The following PSG8 variants were observed in gnomAD, a reference collection of about 807,000 sequenced individuals.
The protein encoded by PSG8 is pregnancy specific beta-1-glycoprotein 8, also known as pregnancy-specific beta-1-glycoprotein 8.
PSG8 carries 57 observed loss-of-function variants against 42.5 expected under a neutral mutation model. The observed-to-expected ratio is 1.34, with a 90% CI of 1.08 to 1.67. The LOEUF is 1.67. PSG8 is among the 40% of genes most tolerant of loss of function. The probability of loss-of-function intolerance (pLI) is 0.00; values close to 1 mark genes in which losing one functional copy is unlikely to be tolerated. For missense variants in PSG8, 783 were observed against 518.6 expected (o/e 1.51, Z -4.95); for synonymous variants, 280 against 196.8 (o/e 1.42, Z -3.54).
chr19:42,761,156 C>G (rs940779764), intron 2 of PSG8, among the ~76,000 whole-genome samples: 1 of 152,160 alleles, frequency 6.6e-6, no homozygotes, highest in South Asian at 2.1e-4. Context: ...GCATGCCTGA[C>G]TCCATCTGGC....
intron 2 of PSG8, 200 bp from the exon 3 acceptor site, chr19:42,758,480 C>T (rs1969990498): frequency 1.7e-6 from 2 of 1,174,988 alleles, no homozygotes; most frequent in Non-Finnish European, 2.3e-6. Flanking sequence ...CATGTAGAAA[C>T]ACAGACTTTC....
intron 2 of PSG8, among the ~76,000 whole-genome samples, chr19:42,763,038 A>G (rs1226164301): frequency 6.6e-6 from 1 of 152,168 alleles, no homozygotes; most frequent in African/African-American, 2.4e-5. Context: ...TGGCAAATGG[A>G]CAGTGGCTTT....
At chr19:42,762,684 T>C (rs1007078083) in intron 2 of PSG8, among the ~76,000 whole-genome samples, 24 of 151,834 alleles carry the variant, frequency 1.6e-4, no homozygotes, top group African/African-American at 5.6e-4. Context: ...GGATTTCAGG[T>C]TCAGTGATGG....
intron 2 of PSG8, among the ~76,000 whole-genome samples, chr19:42,761,370 T>C (rs2122268510): frequency 6.6e-6 from 1 of 152,356 alleles, no homozygotes; most frequent in East Asian, 1.9e-4. Flanking sequence ...AACTGAATTC[T>C]GCTAAAATGT....
chr19:42,757,739 T>G (rs188276332), intron 3 of PSG8, among the ~76,000 whole-genome samples: 7 of 152,274 alleles, frequency 4.6e-5, no homozygotes, highest in Non-Finnish European at 8.8e-5. Flanking sequence ...TGTTCACTGA[T>G]CTGGAGCCTG....
rs764632234 is a variant in PSG8 at position 42,764,033 on chromosome 19, C to A, written c.313G>T (p.Ala105Ser). 3.1e-6 allele frequency: 5 copies of A among 1,613,640 alleles called. No individual in the cohort carries two copies. In the African/African-American group the frequency reaches 5.3e-5, roughly 17 times the overall value. Residue 105 changes from alanine (A) to serine (S), a missense_variant, in exon 2 of 5, where the codon GCA (alanine) becomes TCA (serine). Coordinates refer to ENST00000306511, the MANE Select transcript of PSG8 (RefSeq NM_182707.3). ...GTGACATTCTGGATCAGCAGGGATG[C>A]ATTGGAATATATTGTTTCTCGTCCA... Reference protein sequence around the residue: ...YSGRETIYSNASLLIQNVTQE... With the variant: ...YSGRETIYSNSSLLIQNVTQE...
At chr19:42,753,188 T>A (rs1266285076), downstream of PSG8, 1 of 752,306 alleles carries the variant, frequency 1.3e-6, no homozygotes, top group African/African-American at 1.7e-5. Flanking sequence ...TCTGTTGTTA[T>A]GGTGTCGAAC....
At chr19:42,753,834 A>G, downstream of PSG8, 1 of 444,314 alleles carries the variant, frequency 2.3e-6, no homozygotes, top group South Asian at 1.8e-5. Context: ...TTGTTGCTGT[A>G]CTTGTGCAAA....
Position 42,765,650 on chromosome 19 carries a change from C to A in PSG8, c.-69G>T. On this transcript the variant is annotated 5_prime_UTR_variant, in exon 1 of 5. Transcript: ENST00000306511. Reference sequence around the variant, plus strand: ...GGATCCAGAAGCTTCCTGAGCACAGCTCTCAGCAGTGCTGTCCTGCCTCCT... The same window carrying A: ...GGATCCAGAAGCTTCCTGAGCACAGATCTCAGCAGTGCTGTCCTGCCTCCT... 1 of 1,582,428 alleles carries A rather than the reference C, an allele frequency of 6.3e-7. No homozygotes were observed. The highest frequency in any genetic ancestry group is 1.1e-5 in the South Asian group (1 of 89,896).
rs781635800 is a variant in PSG8, at chr19:42,755,275, A to C, written c.710-9T>G. The C allele has an allele frequency of 6.2e-6, 10 of 1,610,612 alleles. No individual in the cohort carries two copies. The South Asian group carries it at 1.1e-4, about 18-fold the overall frequency. On this transcript the variant is annotated splice_polypyrimidine_tract_variant and intron_variant, in intron 3 of 4. Coordinates refer to ENST00000306511, the MANE Select transcript of PSG8 (RefSeq NM_182707.3). ...GGGCTTGGGCAGCTTCGCTGTGTGG[A>C]TAACAGAGAGAAGATTGTCCTGTGT...
intron 2 of PSG8, chr19:42,758,561 C>G: frequency 1.7e-6 from 1 of 593,290 alleles, no homozygotes; most frequent in Non-Finnish European, 2.7e-6. Context: ...CCCCTGTTGC[C>G]TCTCTGAGTC....
chr19:42,752,863 G>A (rs7246152), downstream of PSG8: 25,771 of 203,884 alleles, frequency 0.13, 3,393 homozygotes, highest in African/African-American at 0.37. Context: ...GCAAACACAC[G>A]GGCAATATCT....
At chr19:42,765,244 C>T (rs11880709) in intron 1 of PSG8, among the ~76,000 whole-genome samples, 4,403 of 151,842 alleles carry the variant, frequency 0.029, 219 homozygotes, top group African/African-American at 0.1. Context: ...CTTCTGCCTC[C>T]TGGGTTCACG....
intron 2 of PSG8, among the ~76,000 whole-genome samples, chr19:42,762,144 T>C (rs1970092565): frequency 6.6e-6 from 1 of 151,246 alleles, no homozygotes; most frequent in Admixed American, 6.6e-5. Context: ...AGGGAGTGTC[T>C]GGGGAAGGCC....
intron 2 of PSG8, among the ~76,000 whole-genome samples, chr19:42,763,197 C>A (rs1328001290): frequency 6.6e-6 from 1 of 152,176 alleles, no homozygotes; most frequent in East Asian, 1.9e-4. Context: ...CAAGCTGCTA[C>A]CAGGTACATC....
chr19:42,754,124 C>T, downstream of PSG8: 5 of 1,315,886 alleles, frequency 3.8e-6, no homozygotes, highest in Non-Finnish European at 5.2e-6. Flanking sequence ...CCTGCTTGGT[C>T]TAGGCTGGGA....
At chr19:42,756,997 C>A (rs1436727338) in intron 3 of PSG8, among the ~76,000 whole-genome samples, 1 of 151,906 alleles carries the variant, frequency 6.6e-6, no homozygotes. Flanking sequence ...ATATTGATAT[C>A]GTCTTTAACT....
In PSG8 at chr19:42,764,126, C is replaced by A; in HGVS notation, c.220G>T (p.Asp74Tyr). 2 of 1,613,790 alleles carry A rather than the reference C, an allele frequency of 1.2e-6. No homozygotes were observed. The highest frequency in any genetic ancestry group is 1.7e-6 in the Non-Finnish European group (2 of 1,179,872). ...GYIWYKGQIR[D>Y]LYHYITSYVV... is the part of the protein sequence containing the mutation. ...TATGATGTAATGTAATGGTAGAGGT[C>A]CCTGATTTGCCCTTTGTACCAGATG... Residue 74 changes from aspartate (D) to tyrosine (Y), a missense_variant, in exon 2 of 5, where the codon GAC (aspartate) becomes TAC (tyrosine). Coordinates refer to ENST00000306511, the MANE Select transcript of PSG8 (RefSeq NM_182707.3).
intron 2 of PSG8, chr19:42,758,830 A>T (rs1393367439): frequency 6.2e-6 from 1 of 161,304 alleles, no homozygotes; most frequent in Non-Finnish European, 1.4e-5. Context: ...TCCGGAGGTC[A>T]GTTCAGTCAT....
Sources: gnomAD v4.1 joint callset for allele counts (sites outside exome capture counted in the v4.1 genomes callset) on GRCh38, gnomAD v4.1.1 for gene constraint, MANE v1.5 for transcripts, NCBI Gene and HGNC (gene_info 2026-07-23, HGNC 2026-07-21) for gene names.